Variants in RPTOR observed in about 807,000 individuals in gnomAD.
RPTOR encodes regulatory associated protein of MTOR complex 1, also known as regulatory-associated protein of mTOR.
A neutral mutation model predicts 169.9 loss-of-function variants in RPTOR; 21 were observed. That is an observed-to-expected ratio of 0.12 (90% CI 0.09 to 0.18). The LOEUF (loss-of-function observed/expected upper bound fraction) is 0.18, where lower values mean the gene tolerates loss of function less well. RPTOR is among the 10% of genes least tolerant of loss of function. The pLI is 1.00. For synonymous variants in RPTOR, 732 were observed against 753.2 expected (o/e 0.97, Z 0.46); for missense variants, 1,133 against 1,855.9 (o/e 0.61, Z 7.16).
At chr17:80,676,282 T>TTGATTAAATGTAAAAGTTTCTGAGGGAAG in intron 3 of RPTOR, among the ~76,000 whole-genome samples, 1 of 152,220 alleles carries the variant, frequency 6.6e-6, no homozygotes, top group Admixed American at 6.5e-5. Context: ...CGAATGGGAT[T>TTGATTAAATGTAAAAGTTTCTGAGGGAAG]TGATTAAATG....
chr17:80,584,457 C>G (rs11655474), intron 1 of RPTOR, among the ~76,000 whole-genome samples: 315 of 140,350 alleles, frequency 2.2e-3, no homozygotes, highest in East Asian at 4.4e-3. Flanking sequence ...TGGAAATTCT[C>G]CTGACCACCG....
At chr17:80,689,287 G>A (rs2065971701) in intron 3 of RPTOR, among the ~76,000 whole-genome samples, 1 of 152,180 alleles carries the variant, frequency 6.6e-6, no homozygotes, top group South Asian at 2.1e-4. Flanking sequence ...CTGCATCTTG[G>A]AGTCCGCATG....
At chr17:80,790,167 G>A (rs143412010) in intron 6 of RPTOR, among the ~76,000 whole-genome samples, 5 of 152,322 alleles carry the variant, frequency 3.3e-5, no homozygotes, top group African/African-American at 9.6e-5. Flanking sequence ...TGACTGGCTC[G>A]GGGAAGCACT....
chr17:80,686,955 G>A (rs867230938), intron 3 of RPTOR, among the ~76,000 whole-genome samples: 15 of 149,410 alleles, frequency 1.0e-4, no homozygotes, highest in Middle Eastern at 6.8e-3. Context: ...ATCAGTTCCA[G>A]TCAGAGCTGA....
Position 80,791,436 on chromosome 17 carries a change from T to G in RPTOR, c.831-14T>G. 6.2e-7 allele frequency: 1 copy of G among 1,612,184 alleles called. No homozygotes were observed. Among genetic ancestry groups the G allele is most frequent in the Admixed American group, 1.7e-5 (1 of 59,508 alleles). On this transcript the variant is annotated splice_polypyrimidine_tract_variant and intron_variant, in intron 6 of 33. Transcript: ENST00000306801. The stretch of plus-strand genomic sequence containing the variant: ...TTCCATTCATGCCGTTCACATTCTT[T>G]TCTTTCTCTGCAGGTTTTGCATGCA...
At chr17:80,866,899 GA>G (rs1259580743) in intron 13 of RPTOR, among the ~76,000 whole-genome samples, 1 of 152,156 alleles carries the variant, frequency 6.6e-6, no homozygotes, top group African/African-American at 2.4e-5. Context: ...AATTTGTAGT[GA>G]AAACTTTTAC....
intron 6 of RPTOR, among the ~76,000 whole-genome samples, chr17:80,785,950 G>C (rs9889644): frequency 0.014 from 2,113 of 152,278 alleles, 51 homozygotes; most frequent in African/African-American, 0.048. Context: ...CCTTCTAACC[G>C]GGAAGCTCTC....
intron 3 of RPTOR, among the ~76,000 whole-genome samples, chr17:80,645,538 T>C (rs151004186): frequency 8.5e-5 from 13 of 152,362 alleles, no homozygotes; most frequent in Admixed American, 3.3e-4. Flanking sequence ...GTATGTGTAT[T>C]CCATTTGCTC....
chr17:80,888,189 A>G (rs1454350891), intron 17 of RPTOR, among the ~76,000 whole-genome samples: 1 of 152,194 alleles, frequency 6.6e-6, no homozygotes, highest in East Asian at 1.9e-4. Flanking sequence ...ATCTCGGCTC[A>G]CTGCAACCTC....
At position 80,809,240 on chromosome 17, in the gene RPTOR, G is replaced by A. The variant is rs944199555; in HGVS notation, c.891-12961G>A. ...GGCGTCTCACTTTCTTGTCCAGGCT[G>A]CAGTGCAGTGGCACAGTCTCAGCTC... On this transcript the variant is annotated intron_variant, in intron 7 of 33. Transcript: ENST00000306801. 2.0e-5 allele frequency among the ~76,000 whole-genome samples: 3 copies of A among 152,200 alleles called. No homozygotes were observed. In the East Asian group the frequency reaches 5.8e-4, roughly 29 times the overall value.
chr17:80,734,412 T>C (rs778222411), intron 5 of RPTOR, among the ~76,000 whole-genome samples: 8 of 152,224 alleles, frequency 5.3e-5, no homozygotes, highest in Non-Finnish European at 1.2e-4. Context: ...TTTTCTCCTT[T>C]GTTCTCCTAG....
At chr17:80,779,033 G>A (rs1373876981) in intron 6 of RPTOR, among the ~76,000 whole-genome samples, 1 of 152,198 alleles carries the variant, frequency 6.6e-6, no homozygotes, top group Non-Finnish European at 1.5e-5. Flanking sequence ...CATACAGTTT[G>A]TACCTGTCAT....
intron 28 of RPTOR, among the ~76,000 whole-genome samples, chr17:80,951,982 C>T (rs544320236): frequency 6.6e-6 from 1 of 152,350 alleles, no homozygotes; most frequent in Admixed American, 6.5e-5. Flanking sequence ...GACACACGTG[C>T]AGGGACAGGT....
rs1388695873 is a variant in RPTOR at position 80,927,689 on chromosome 17, CTGTA to C, written c.2919+2213_2919+2216del. Among the ~76,000 whole-genome samples, 4 of 148,292 alleles carry C rather than the reference CTGTA, an allele frequency of 2.7e-5. No homozygotes were observed. The East Asian group carries it at 5.9e-4, about 22-fold the overall frequency. On this transcript the variant is annotated intron_variant, in intron 24 of 33. Coordinates refer to ENST00000306801, the MANE Select transcript of RPTOR (RefSeq NM_020761.3). ...GTCTGTGTGATGTGTGTGTGTATCT[CTGTA>C]TGTGTGTATGTGTATCTCGTGTGTG... is the stretch of plus-strand genomic sequence containing the variant.
Position 80,923,567 on chromosome 17 carries a change from T to C in RPTOR, c.2702T>C (p.Leu901Ser), listed in dbSNP as rs1285527703. Residue 901 changes from leucine (L) to serine (S), a missense_variant, in exon 23 of 34, where the codon TTG (leucine) becomes TCG (serine). Leu to Ser is a moderately radical substitution (Grantham distance 145). Around this residue, in one of 9 missense-constraint regions of RPTOR, gnomAD observed 123 missense variants for 129.0 expected, o/e 0.95. Coordinates refer to ENST00000306801, the MANE Select transcript of RPTOR (RefSeq NM_020761.3). Reference protein sequence around the residue: ...DVAKQPVSRDLPSGRPGTTGP... With the variant: ...DVAKQPVSRDSPSGRPGTTGP... ...GCCAAGCAGCCGGTCAGCCGAGACT[T>C]GCCTTCTGGCCGGCCGGGCACCACA... 2 of 1,613,520 alleles carry C rather than the reference T, an allele frequency of 1.2e-6. No homozygotes were observed. Among genetic ancestry groups the C allele is most frequent in the Admixed American group, 1.7e-5 (1 of 60,012 alleles).
Position 80,842,800 on chromosome 17 carries a change from G to T in RPTOR, c.1213-3673G>T, listed in dbSNP as rs574560269. Reference sequence around the variant, plus strand: ...CTTGTGTGTTTCCCTTTCACATCTGGACCTGCATCTGCTCACATTTCACGT... The same window carrying T: ...CTTGTGTGTTTCCCTTTCACATCTGTACCTGCATCTGCTCACATTTCACGT... On this transcript the variant is annotated intron_variant, in intron 10 of 33. Transcript: ENST00000306801. Among the ~76,000 whole-genome samples the T allele has an allele frequency of 3.9e-5, 6 of 152,276 alleles. No homozygotes were observed. The East Asian group carries it at 7.7e-4, about 20-fold the overall frequency.
At chr17:80,685,618 TATATA>T (rs2065935547) in intron 3 of RPTOR, among the ~76,000 whole-genome samples, 2 of 25,140 alleles carry the variant, frequency 8.0e-5, no homozygotes, top group South Asian at 1.9e-3. Context: ...TATATATATA[TATATA>T]TATATTTTTT....
chr17:80,871,440 G>A (rs766015420), intron 13 of RPTOR, among the ~76,000 whole-genome samples: 10 of 152,262 alleles, frequency 6.6e-5, no homozygotes, highest in South Asian at 2.1e-4. Context: ...TTCTGGTCCC[G>A]TCATAATGAG....
At chr17:80,737,803 T>TCCCCCCCCCCCC (rs1567883256) in intron 5 of RPTOR, among the ~76,000 whole-genome samples, 1 of 137,104 alleles carries the variant, frequency 7.3e-6, no homozygotes, top group African/African-American at 3.0e-5. Flanking sequence ...TCTCTTTTTC[T>TCCCCCCCCCCCC]CCCCCGCCCC....
Sources: allele counts gnomAD v4.1 joint callset (sites outside exome capture counted in the v4.1 genomes callset), GRCh38; gene constraint gnomAD v4.1.1; regional missense constraint gnomAD v4.1.1; transcripts MANE v1.5; gene names NCBI Gene and HGNC (gene_info 2026-07-23, HGNC 2026-07-21).